Variants in DNAJC8 observed in about 807,000 individuals in gnomAD.
The protein encoded by DNAJC8 is DnaJ heat shock protein family (Hsp40) member C8.
Under a neutral mutation model 43.2 loss-of-function variants are expected in DNAJC8, and 24 were observed. The observed-to-expected ratio is 0.56, with a 90% CI of 0.40 to 0.78. DNAJC8 has a LOEUF of 0.78. Among genes scored for constraint, DNAJC8 ranks in the 30% least tolerant of loss-of-function variants. DNAJC8 has a pLI of 0.00. For missense variants in DNAJC8, 207 were observed against 299.4 expected, an observed-to-expected ratio of 0.69 and a Z score of 2.28; for synonymous variants, 83 against 98.0, an observed-to-expected ratio of 0.85 and a Z score of 0.90.
intron 8 of DNAJC8, 134 bp from the exon 9 acceptor site, chr1:28,201,504 G>C: frequency 7.3e-7 from 1 of 1,377,642 alleles, no homozygotes; most frequent in Non-Finnish European, 9.9e-7. Flanking sequence ...GTAGAATAGA[G>C]CTGGCCAGGC....
rs561016112 is a variant in DNAJC8 at position 28,202,737 on chromosome 1, C to T, written c.639+1010G>A. Among the ~76,000 whole-genome samples, 50 of 151,562 alleles carry T rather than the reference C, an allele frequency of 3.3e-4. 2 individuals carry two copies. The South Asian group carries it at 9.8e-3, about 30-fold the overall frequency. On this transcript the variant is annotated intron_variant, in intron 8 of 8. Coordinates refer to ENST00000263697, the MANE Select transcript of DNAJC8 (RefSeq NM_014280.3). ...CTGAGACTACAGGTGCCAGCCACCA[C>T]ACCTGGCTAATTTTTTGTATTTTTT...
chr1:28,224,054 A>G (rs1367958057), intron 2 of DNAJC8, among the ~76,000 whole-genome samples: 1 of 152,248 alleles, frequency 6.6e-6, no homozygotes, highest in Non-Finnish European at 1.5e-5. Flanking sequence ...CACAGGAGCT[A>G]GATTGAAAGG....
intron 5 of DNAJC8, 100 bp from the exon 6 acceptor site, chr1:28,208,513 G>T (rs1172484112): frequency 5.2e-5 from 29 of 561,294 alleles, no homozygotes; most frequent in East Asian, 1.2e-4. Flanking sequence ...ATAGGCACGG[G>T]TATAGCAAAA....
chr1:28,212,210 T>TATATATATATA (rs1557708014), intron 3 of DNAJC8, among the ~76,000 whole-genome samples: 14 of 109,486 alleles, frequency 1.3e-4, no homozygotes, highest in Non-Finnish European at 2.4e-4. Context: ...TATATATATA[T>TATATATATATA]ATATAAATGA....
intron 8 of DNAJC8, among the ~76,000 whole-genome samples, chr1:28,202,220 T>A (rs1016042847): frequency 2.6e-5 from 4 of 152,204 alleles, no homozygotes; most frequent in Non-Finnish European, 5.9e-5. Context: ...ATCACAACAC[T>A]GAGGCCCCAT....
Position 28,214,941 on chromosome 1 carries a change from T to C in DNAJC8, c.236A>G (p.Gln79Arg). 6.2e-7 allele frequency: 1 copy of C among 1,607,870 alleles called. No homozygotes were observed. The highest frequency in any genetic ancestry group is 8.5e-7 in the Non-Finnish European group (1 of 1,176,668). ...TDEEIKKRFRQLSILVHPDKN... is the reference protein window; with the variant it reads ...TDEEIKKRFRRLSILVHPDKN... The stretch of plus-strand genomic sequence containing the variant: ...TCAAACAGGGAAATAGTACTGTACC[T>C]GCCGAAACCTCTTTTTTATTTCTTC... The change falls in exon 3 of 9, where the codon CAG becomes CGG. Residue 79 changes from glutamine to arginine, a missense_variant and splice_region_variant. By Grantham distance (43) the Gln-to-Arg change is conservative. Around this residue, in one of 2 missense-constraint regions of DNAJC8, gnomAD observed 159 missense variants for 267.5 expected, o/e 0.59. Coordinates refer to ENST00000263697, the MANE Select transcript of DNAJC8 (RefSeq NM_014280.3).
At chr1:28,212,944 G>T (rs1209132875) in intron 3 of DNAJC8, among the ~76,000 whole-genome samples, 1 of 152,138 alleles carries the variant, frequency 6.6e-6, no homozygotes, top group Non-Finnish European at 1.5e-5. Flanking sequence ...TGCAAGTAAA[G>T]AAATTAGCAG....
chr1:28,219,702 T>A lies in DNAJC8; in HGVS notation c.181-4706A>T, dbSNP rs1646885807. 2.0e-5 allele frequency among the ~76,000 whole-genome samples: 3 copies of A among 152,142 alleles called. No individual in the cohort carries two copies. In the South Asian group the frequency reaches 6.2e-4, roughly 32 times the overall value. ...GATTTCTATTCTTTTTTTCTTTCTT[T>A]CTTGAGACAGAGTCTTGTTCTGTCA... is the stretch of plus-strand genomic sequence containing the variant. On this transcript the variant is annotated intron_variant, in intron 2 of 8. Transcript: ENST00000263697.
chr1:28,205,436 T>C, intron 6 of DNAJC8, 87 bp from the exon 7 acceptor site: 1 of 961,772 alleles, frequency 1.0e-6, no homozygotes, highest in Non-Finnish European at 1.6e-6. Flanking sequence ...GAGTCCAAGA[T>C]AAAGCAGATT....
chr1:28,205,146 T>C (rs189397891), intron 7 of DNAJC8, 112 bp downstream of exon 7: 2 of 757,208 alleles, frequency 2.6e-6, no homozygotes, highest in African/African-American at 3.6e-5. Flanking sequence ...ACTATTTTTA[T>C]AGTCTCTTAA....
intron 1 of DNAJC8, among the ~76,000 whole-genome samples, chr1:28,231,576 G>A (rs1296079424): frequency 1.3e-5 from 2 of 151,728 alleles, no homozygotes; most frequent in African/African-American, 2.4e-5. Flanking sequence ...TTAGCCAGGC[G>A]TGGTGGCAGG....
intron 2 of DNAJC8, among the ~76,000 whole-genome samples, chr1:28,217,823 T>G (rs974168815): frequency 6.6e-6 from 1 of 152,024 alleles, no homozygotes; most frequent in Non-Finnish European, 1.5e-5. Context: ...GATTGATTTC[T>G]TTTTTAAAAA....
intron 6 of DNAJC8, among the ~76,000 whole-genome samples, chr1:28,206,064 C>T (rs1377436507): frequency 6.6e-6 from 1 of 151,910 alleles, no homozygotes; most frequent in Non-Finnish European, 1.5e-5. Flanking sequence ...TGGTGGCGCA[C>T]ACTTGTAGTC....
intron 6 of DNAJC8, among the ~76,000 whole-genome samples, chr1:28,207,363 G>GTA (rs1278736962): frequency 6.6e-6 from 1 of 152,084 alleles, no homozygotes; most frequent in African/African-American, 2.4e-5. Flanking sequence ...GGGCAACAGA[G>GTA]TAAGACCCCG....
chr1:28,221,933 T>C lies in DNAJC8; in HGVS notation c.181-6937A>G, dbSNP rs77269487. ...TTAAAAAGAAGGAAATTCTACAATA[T>C]GCTACAACATTGAAGAACCCAAGAC... is the stretch of plus-strand genomic sequence containing the variant. On this transcript the variant is annotated intron_variant, in intron 2 of 8. Transcript: ENST00000263697. Among the ~76,000 whole-genome samples, 16 of 152,238 alleles carry C rather than the reference T, an allele frequency of 1.1e-4. No individual in the cohort carries two copies. The East Asian group carries it at 2.7e-3, about 26-fold the overall frequency.
At chr1:28,212,604 T>C (rs1646822932) in intron 3 of DNAJC8, among the ~76,000 whole-genome samples, 1 of 152,054 alleles carries the variant, frequency 6.6e-6, no homozygotes, top group Non-Finnish European at 1.5e-5. Flanking sequence ...ATATAAAATT[T>C]TTATAATAAA....
chr1:28,224,028 G>A (rs78730774), intron 2 of DNAJC8, among the ~76,000 whole-genome samples: 1 of 152,142 alleles, frequency 6.6e-6, no homozygotes, highest in Non-Finnish European at 1.5e-5. Context: ...AAAGAATGAT[G>A]AAGACATATG....
At chr1:28,227,877 C>T (rs1646947907) in intron 2 of DNAJC8, among the ~76,000 whole-genome samples, 1 of 152,098 alleles carries the variant, frequency 6.6e-6, no homozygotes, top group Non-Finnish European at 1.5e-5. Flanking sequence ...ATTATTCTTG[C>T]TTTCTGTACA....
intron 7 of DNAJC8, 145 bp downstream of exon 7, chr1:28,205,113 A>T: frequency 1.6e-6 from 1 of 618,872 alleles, no homozygotes; most frequent in East Asian, 3.0e-5. Flanking sequence ...CTGGTGATTC[A>T]AAAGCTTGAC....
Sources: allele counts gnomAD v4.1 joint callset (sites outside exome capture counted in the v4.1 genomes callset), GRCh38; gene constraint gnomAD v4.1.1; regional missense constraint gnomAD v4.1.1; transcripts MANE v1.5; gene names NCBI Gene and HGNC (gene_info 2026-07-23, HGNC 2026-07-21).